Variants in CSMD1 observed in about 807,000 individuals in gnomAD.
The protein encoded by CSMD1 is CUB and Sushi multiple domains 1.
Under a neutral mutation model 417.5 loss-of-function variants are expected in CSMD1, and 213 were observed. The observed-to-expected ratio is 0.51, with a 90% CI of 0.46 to 0.57. CSMD1 has a LOEUF of 0.57. CSMD1 is among the 20% of genes least tolerant of loss of function. The pLI, the probability that CSMD1 is intolerant of heterozygous loss-of-function variation, is 0.00. For missense variants in CSMD1, 6,923 were observed against 4,529.7 expected (o/e 1.53, Z -15.17); for synonymous variants, 2,862 against 1,736.8 (o/e 1.65, Z -16.11).
chr8:3,661,471 C>T (rs2623630), intron 7 of CSMD1, among the ~76,000 whole-genome samples: 62,285 of 151,764 alleles, frequency 0.41, 14,397 homozygotes, highest in East Asian at 0.71. Flanking sequence ...GCCTGACTTG[C>T]GAAATGTTCA....
At chr8:4,789,591 T>G (rs7842905) in intron 1 of CSMD1, among the ~76,000 whole-genome samples, 1 of 152,162 alleles carries the variant, frequency 6.6e-6, no homozygotes, top group Non-Finnish European at 1.5e-5. Context: ...GGTTTGGGAA[T>G]AAACTGTTTT....
rs188857524 is a variant in CSMD1, at chr8:3,491,328, T to A, written c.1448+2295A>T. On this transcript the variant is annotated intron_variant, in intron 11 of 69. Transcript: ENST00000635120. ...TTAACCTATCAAAACTTCAGCTTCA[T>A]CAATGATAAAGCAATGATATTATTA... Among the ~76,000 whole-genome samples, 76 of 152,282 alleles carry A rather than the reference T, an allele frequency of 5.0e-4. 1 individual carries two copies. Among genetic ancestry groups the A allele is most frequent in the Admixed American group, 4.5e-3 (69 of 15,296 alleles).
chr8:3,906,626 CTTTT>C (rs200562415), intron 5 of CSMD1, among the ~76,000 whole-genome samples: 2 of 139,910 alleles, frequency 1.4e-5, no homozygotes, highest in African/African-American at 5.2e-5. Context: ...CAAACCTAAG[CTTTT>C]TTTTTTTTTC....
chr8:2,974,927 C>T (rs666276), intron 55 of CSMD1, among the ~76,000 whole-genome samples: 16,797 of 152,146 alleles, frequency 0.11, 1,065 homozygotes, highest in East Asian at 0.31. Flanking sequence ...ATTTTTCCAT[C>T]GACCCTTAAC....
rs779259347 is a variant in CSMD1 at position 3,029,334 on chromosome 8, T to C, written c.7840A>G (p.Arg2614Gly). The C allele has an allele frequency of 6.2e-7, 1 of 1,607,026 alleles. No individual in the cohort carries two copies. Among genetic ancestry groups the C allele is most frequent in the South Asian group, 1.1e-5 (1 of 90,270 alleles). Residue 2614 changes from arginine to glycine, a missense_variant, in exon 51 of 70, where the codon AGG (arginine) becomes GGG (glycine). Coordinates refer to ENST00000635120, the MANE Select transcript of CSMD1 (RefSeq NM_033225.6). ...CATCACTTACCTCGACAGCTTGGCCTCTCATCTCCTATGTTCCACGTCCCA... is the reference window on the plus strand; with the variant it reads ...CATCACTTACCTCGACAGCTTGGCCCCTCATCTCCTATGTTCCACGTCCCA... ...ANGTWNIGDE[R>G]PSCRVISCGS...
At chr8:4,757,412 T>A (rs1195960514) in intron 1 of CSMD1, among the ~76,000 whole-genome samples, 1 of 152,156 alleles carries the variant, frequency 6.6e-6, no homozygotes, top group African/African-American at 2.4e-5. Context: ...TATACAATAG[T>A]CACCAATTAT....
intron 3 of CSMD1, among the ~76,000 whole-genome samples, chr8:4,061,939 G>A (rs975044154): frequency 6.6e-6 from 1 of 152,168 alleles, no homozygotes; most frequent in African/African-American, 2.4e-5. Context: ...ACTAACGAAA[G>A]ATTCTTCATC....
At chr8:4,037,475 C>T (rs747830749) in intron 3 of CSMD1, among the ~76,000 whole-genome samples, 2 of 152,152 alleles carry the variant, frequency 1.3e-5, no homozygotes, top group East Asian at 1.9e-4. Context: ...TTTTTGTCTT[C>T]TCTACAGATT....
At chr8:4,813,103 A>C (rs1799001721) in intron 1 of CSMD1, among the ~76,000 whole-genome samples, 1 of 152,238 alleles carries the variant, frequency 6.6e-6, no homozygotes, top group South Asian at 2.1e-4. Context: ...CATAGTTGAG[A>C]AAAACTATTT....
chr8:4,119,810 A>G (rs1188019773), intron 3 of CSMD1, among the ~76,000 whole-genome samples: 1 of 152,192 alleles, frequency 6.6e-6, no homozygotes, highest in African/African-American at 2.4e-5. Flanking sequence ...CTACGATGCA[A>G]TTTATGATTT....
At chr8:3,394,744 G>C (rs1245444386) in intron 17 of CSMD1, among the ~76,000 whole-genome samples, 1 of 152,026 alleles carries the variant, frequency 6.6e-6, no homozygotes, top group Non-Finnish European at 1.5e-5. Flanking sequence ...GTGACAACTC[G>C]AATGGACATT....
chr8:4,691,880 T>C (rs964196288), intron 1 of CSMD1, among the ~76,000 whole-genome samples: 1 of 152,208 alleles, frequency 6.6e-6, no homozygotes, highest in African/African-American at 2.4e-5. Flanking sequence ...CTCCTGTGAT[T>C]TGGCAGGTGC....
intron 1 of CSMD1, among the ~76,000 whole-genome samples, chr8:4,868,957 TAC>T (rs1269309016): frequency 1.3e-5 from 2 of 151,998 alleles, no homozygotes; most frequent in African/African-American, 2.4e-5. Context: ...TATACCTATA[TAC>T]ACACAGAGAC....
chr8:3,838,052 G>C (rs1585069892), intron 5 of CSMD1, among the ~76,000 whole-genome samples: 2 of 152,058 alleles, frequency 1.3e-5, no homozygotes, highest in African/African-American at 4.8e-5. Flanking sequence ...TGATTAGTGT[G>C]ACTTGGAAAC....
intron 10 of CSMD1, among the ~76,000 whole-genome samples, chr8:3,546,645 A>C (rs1396990444): frequency 8.0e-6 from 1 of 125,402 alleles, no homozygotes; most frequent in East Asian, 2.2e-4. Flanking sequence ...ATTATAAAAC[A>C]AAAAAAAATT....
rs867129026 is a variant in CSMD1, at chr8:4,936,458, T to A, written c.85+57874A>T. Among the ~76,000 whole-genome samples, 42 of 152,316 alleles carry A rather than the reference T, an allele frequency of 2.8e-4. No homozygotes were observed. In the Middle Eastern group the frequency reaches 0.014, roughly 49 times the overall value. Reference sequence around the variant, plus strand: ...AATAGAAGGATTTTTGTCCAGAACATCTTATTATTTCAAGGCTTTAAAACT... The same window carrying A: ...AATAGAAGGATTTTTGTCCAGAACAACTTATTATTTCAAGGCTTTAAAACT... On this transcript the variant is annotated intron_variant, in intron 1 of 69. Transcript: ENST00000635120.
At chr8:3,175,483 T>TCCTTCCTGCCTGCCTGCCTGCCTG (rs1182066839) in intron 37 of CSMD1, among the ~76,000 whole-genome samples, 1 of 121,588 alleles carries the variant, frequency 8.2e-6, no homozygotes, top group Non-Finnish European at 1.7e-5. Flanking sequence ...TTCCCTTCCT[T>TCCTTCCTGCCTGCCTGCCTGCCTG]CCTGCCTGCC....
At chr8:3,613,310 C>A in intron 8 of CSMD1, 1 of 418,558 alleles carries the variant, frequency 2.4e-6, no homozygotes, top group Non-Finnish European at 4.8e-6. Context: ...CAGGTAGCTT[C>A]CCTGGTGAAT....
chr8:3,830,118 G>C (rs1802289276), intron 5 of CSMD1, among the ~76,000 whole-genome samples: 1 of 152,154 alleles, frequency 6.6e-6, no homozygotes, highest in African/African-American at 2.4e-5. Flanking sequence ...AAGTGAAGGA[G>C]AGTAATTTCT....
Sources: gnomAD v4.1 joint callset for allele counts (sites outside exome capture counted in the v4.1 genomes callset) on GRCh38, gnomAD v4.1.1 for gene constraint, MANE v1.5 for transcripts, NCBI Gene and HGNC (gene_info 2026-07-23, HGNC 2026-07-21) for gene names.